The following SNX29 variants were observed in gnomAD, a reference collection of about 807,000 sequenced individuals.
The protein encoded by SNX29 is sorting nexin 29.
SNX29 carries 78 observed loss-of-function variants against 102.1 expected under a neutral mutation model. The ratio of observed to expected loss-of-function variants is 0.76; its 90% CI spans 0.64 to 0.92. The LOEUF (loss-of-function observed/expected upper bound fraction) is 0.92, where lower values mean the gene tolerates loss of function less well. Among genes scored for constraint, SNX29 ranks in the 40% least tolerant of loss-of-function variants. SNX29 has a pLI of 0.00. For synonymous variants in SNX29, 580 were observed against 414.5 expected (o/e 1.40, Z -4.85); for missense variants, 1,280 against 1,061.7 (o/e 1.21, Z -2.86).
At chr16:12,084,543 C>G (rs1169680071) in intron 11 of SNX29, among the ~76,000 whole-genome samples, 1 of 152,168 alleles carries the variant, frequency 6.6e-6, no homozygotes, top group Non-Finnish European at 1.5e-5. Flanking sequence ...GGAGCTGTAC[C>G]TGGGGTTGGA....
chr16:12,453,982 T>C (rs770872010), intron 18 of SNX29, among the ~76,000 whole-genome samples: 1 of 152,162 alleles, frequency 6.6e-6, no homozygotes, highest in African/African-American at 2.4e-5. Flanking sequence ...CCTTATCTCT[T>C]AGTAACAGAG....
intron 15 of SNX29, among the ~76,000 whole-genome samples, chr16:12,318,278 C>T (rs760904964): frequency 2.0e-5 from 3 of 152,230 alleles, no homozygotes; most frequent in East Asian, 1.9e-4. Flanking sequence ...TAAGCAGCAG[C>T]GGCCTTGATC....
rs1016318077 is a variant in SNX29, at chr16:12,572,294, G to A, written c.*3665G>A. 32 of 978,052 alleles carry A rather than the reference G, an allele frequency of 3.3e-5. No homozygotes were observed. Among genetic ancestry groups the A allele is most frequent in the Non-Finnish European group, 3.6e-5 (30 of 845,036 alleles). 60.6% of individuals were successfully genotyped at this position (978,052 alleles called of 1,614,324 possible). A position where few individuals can be genotyped will look rare whatever the true frequency, so the allele number is the denominator to read the frequency against. ...ATGCAACTAACAAGTACTGGGGCCA[G>A]TGATCACAATCCAGGTTGGAAACAG... On this transcript the variant is annotated 3_prime_UTR_variant, in exon 21 of 21. Coordinates refer to ENST00000566228, the MANE Select transcript of SNX29 (RefSeq NM_032167.5).
intron 13 of SNX29, among the ~76,000 whole-genome samples, chr16:12,165,948 C>G (rs2056002213): frequency 6.6e-6 from 1 of 152,244 alleles, no homozygotes; most frequent in African/African-American, 2.4e-5. Context: ...CACCTCACCT[C>G]TCTAGGCCGT....
chr16:12,307,725 G>A (rs2080384475), intron 15 of SNX29, among the ~76,000 whole-genome samples: 1 of 152,228 alleles, frequency 6.6e-6, no homozygotes. Flanking sequence ...TCTGCACAGT[G>A]GTCAAGGCCT....
chr16:12,310,140 A>G (rs1397598389), intron 15 of SNX29, among the ~76,000 whole-genome samples: 2 of 152,210 alleles, frequency 1.3e-5, no homozygotes, highest in Non-Finnish European at 2.9e-5. Context: ...ATGCACATAC[A>G]CACTGCATAG....
intron 20 of SNX29, among the ~76,000 whole-genome samples, chr16:12,538,602 G>C (rs2077183256): frequency 6.6e-6 from 1 of 152,160 alleles, no homozygotes; most frequent in Admixed American, 6.5e-5. Flanking sequence ...ATCAGTAGGT[G>C]GATGCAGGAG....
intron 1 of SNX29, among the ~76,000 whole-genome samples, chr16:11,986,582 C>G (rs545985632): frequency 6.6e-6 from 1 of 152,178 alleles, no homozygotes; most frequent in African/African-American, 2.4e-5. Context: ...CATGATAGCA[C>G]TTATCCACGT....
At position 12,070,913 on chromosome 16, in the gene SNX29, C is replaced by G. The variant is rs552770152; in HGVS notation, c.1319+1781C>G. The stretch of plus-strand genomic sequence containing the variant: ...CATTGTGGTTTTGATTTGCATTTCT[C>G]TGATGGCCAGCGATGATGAGCATTT... On this transcript the variant is annotated intron_variant, in intron 10 of 20. Transcript: ENST00000566228. Among the ~76,000 whole-genome samples the G allele has an allele frequency of 2.0e-5, 3 of 152,292 alleles. No individual in the cohort carries two copies. In the South Asian group the frequency reaches 6.2e-4, roughly 32 times the overall value.
rs150893336 is a variant in SNX29 at position 12,568,869 on chromosome 16, C to T, written c.*240C>T. On this transcript the variant is annotated 3_prime_UTR_variant, in exon 21 of 21. Coordinates refer to ENST00000566228, the MANE Select transcript of SNX29 (RefSeq NM_032167.5). ...GGAGAGACTGGGACACACAGTCCTTCTGCTTCTGGGGTCTACCCTGGGCTG... is the reference window on the plus strand; with the variant it reads ...GGAGAGACTGGGACACACAGTCCTTTTGCTTCTGGGGTCTACCCTGGGCTG... 175 of 605,882 alleles carry T rather than the reference C, an allele frequency of 2.9e-4. 1 individual carries two copies. In the African/African-American group the frequency reaches 2.9e-3, roughly 10 times the overall value. 37.5% of individuals were successfully genotyped at this position (605,882 alleles called of 1,614,324 possible). A position where few individuals can be genotyped will look rare whatever the true frequency, so the allele number is the denominator to read the frequency against.
At chr16:12,040,531 G>A (rs1390241926) in intron 4 of SNX29, among the ~76,000 whole-genome samples, 2 of 152,216 alleles carry the variant, frequency 1.3e-5, no homozygotes, top group African/African-American at 4.8e-5. Flanking sequence ...CCTTAAATCT[G>A]TTCCTATCCT....
chr16:12,375,224 C>G (rs759633484), intron 16 of SNX29: 6 of 152,164 alleles, frequency 3.9e-5, no homozygotes, highest in Non-Finnish European at 7.3e-5. Flanking sequence ...CGCCCATAGA[C>G]TCATTGGGAA....
intron 13 of SNX29, among the ~76,000 whole-genome samples, chr16:12,161,906 C>T (rs1051769598): frequency 6.6e-6 from 1 of 152,170 alleles, no homozygotes; most frequent in Non-Finnish European, 1.5e-5. Context: ...CCAAATAGAC[C>T]TCCCTTCCAT....
At chr16:12,358,790 A>G (rs968213819) in intron 16 of SNX29, among the ~76,000 whole-genome samples, 3 of 152,176 alleles carry the variant, frequency 2.0e-5, no homozygotes, top group African/African-American at 7.2e-5. Flanking sequence ...TTGATTATCC[A>G]GTGATGTCTC....
chr16:12,481,173 T>C (rs1198502076), intron 19 of SNX29, among the ~76,000 whole-genome samples: 1 of 152,144 alleles, frequency 6.6e-6, no homozygotes, highest in Non-Finnish European at 1.5e-5. Flanking sequence ...GACACCATCT[T>C]AGTGGGCCTG....
At chr16:12,035,574 G>A (rs1486854558) in intron 4 of SNX29, among the ~76,000 whole-genome samples, 1 of 152,176 alleles carries the variant, frequency 6.6e-6, no homozygotes, top group Non-Finnish European at 1.5e-5. Context: ...GGTTCAGTTT[G>A]GGATGTGACA....
chr16:12,490,252 TA>T (rs1489316728), intron 19 of SNX29, among the ~76,000 whole-genome samples: 1 of 152,230 alleles, frequency 6.6e-6, no homozygotes, highest in Non-Finnish European at 1.5e-5. Context: ...CTTGTCTTGT[TA>T]AAGGGCCACT....
At chr16:12,054,197 A>C (rs2050425250) in intron 8 of SNX29, among the ~76,000 whole-genome samples, 1 of 152,100 alleles carries the variant, frequency 6.6e-6, no homozygotes, top group Non-Finnish European at 1.5e-5. Flanking sequence ...CAAACTCCTG[A>C]TCTCGTGATC....
At chr16:12,076,468 T>C (rs1445790653) in intron 10 of SNX29, among the ~76,000 whole-genome samples, 1 of 152,052 alleles carries the variant, frequency 6.6e-6, no homozygotes, top group African/African-American at 2.4e-5. Context: ...GCCCGGCTAA[T>C]TTTTGTATTT....
Sources: gnomAD v4.1 joint callset for allele counts (sites outside exome capture counted in the v4.1 genomes callset) on GRCh38, gnomAD v4.1.1 for gene constraint, MANE v1.5 for transcripts, NCBI Gene and HGNC (gene_info 2026-07-23, HGNC 2026-07-21) for gene names.